Variants in PLCG2 observed in about 807,000 individuals in gnomAD.
PLCG2 encodes phospholipase C gamma 2.
Under a neutral mutation model 175.6 loss-of-function variants are expected in PLCG2, and 69 were observed. The observed-to-expected ratio is 0.39, with a 90% CI of 0.32 to 0.48. PLCG2 has a LOEUF of 0.48. Ranked by LOEUF, PLCG2 falls within the 20% of genes least tolerant of loss-of-function variation. PLCG2 has a pLI of 0.91. For missense variants in PLCG2, 1,798 were observed against 1,650.9 expected (o/e 1.09, Z -1.54); for synonymous variants, 827 against 624.0 (o/e 1.33, Z -4.85).
chr16:81,902,046 C>G (rs1290492106), intron 14 of PLCG2, among the ~76,000 whole-genome samples: 1 of 152,206 alleles, frequency 6.6e-6, no homozygotes, highest in Non-Finnish European at 1.5e-5. Context: ...AGTTCCAGCT[C>G]AGAGCACGGG....
chr16:81,837,585 C>T (rs980611475), intron 2 of PLCG2, among the ~76,000 whole-genome samples: 1 of 152,168 alleles, frequency 6.6e-6, no homozygotes, highest in Non-Finnish European at 1.5e-5. Context: ...ACAGGCAGTG[C>T]CTAGGGAGCC....
At position 81,929,841 on chromosome 16, in the gene PLCG2, G is replaced by C. The variant is rs75401901; in HGVS notation, c.2581+1217G>C. ...CACATGTGCTGAGGTCCTTTGGGCA[G>C]GGGGGTGCAGGATCCCTGCATCCAC... On this transcript the variant is annotated intron_variant, in intron 24 of 32. Coordinates refer to ENST00000564138, the MANE Select transcript of PLCG2 (RefSeq NM_002661.5). Among the ~76,000 whole-genome samples, 712 of 152,356 alleles carry C rather than the reference G, an allele frequency of 4.7e-3. 8 individuals carry two copies. Among genetic ancestry groups the C allele is most frequent in the African/African-American group, 0.016 (677 of 41,584 alleles).
chr16:81,815,578 CCTGGCCCT>C (rs1567478551), intron 2 of PLCG2, among the ~76,000 whole-genome samples: 2 of 152,190 alleles, frequency 1.3e-5, no homozygotes, highest in African/African-American at 4.8e-5. Flanking sequence ...CTGAAGTTCT[CCTGGCCCT>C]TTCAGAGGCC....
chr16:81,849,390 C>T (rs8050292), intron 2 of PLCG2, among the ~76,000 whole-genome samples: 1 of 151,890 alleles, frequency 6.6e-6, no homozygotes, highest in African/African-American at 2.4e-5. Flanking sequence ...ACAATGTTAC[C>T]TTGTCTAAAA....
chr16:81,956,585 A>C (rs1035093785), intron 31 of PLCG2, 110 bp from the exon 32 acceptor site: 79 of 912,276 alleles, frequency 8.7e-5, no homozygotes, highest in Non-Finnish European at 1.2e-4. Flanking sequence ...TCCAAGTTGC[A>C]AAACTTCTGC....
chr16:81,827,818 C>T (rs1378548760), intron 2 of PLCG2, among the ~76,000 whole-genome samples: 2 of 151,904 alleles, frequency 1.3e-5, no homozygotes, highest in East Asian at 1.9e-4. Flanking sequence ...CCGCCAGGCA[C>T]GGTGGTTCAT....
At chr16:81,896,365 AACACACACACACACACACACACACACAC>A (rs57375866) in intron 13 of PLCG2, among the ~76,000 whole-genome samples, 244 of 121,178 alleles carry the variant, frequency 2.0e-3, no homozygotes, top group Middle Eastern at 7.9e-3. Context: ...TCTCTACCAA[AACACACACACACACACACACACACACAC>A]ACACACACAC....
At chr16:81,863,601 G>GTA (rs1907087707) in intron 5 of PLCG2, among the ~76,000 whole-genome samples, 3 of 152,164 alleles carry the variant, frequency 2.0e-5, no homozygotes, top group African/African-American at 7.2e-5. Flanking sequence ...GGATTGCTGT[G>GTA]TATATATCCA....
intron 15 of PLCG2, among the ~76,000 whole-genome samples, chr16:81,905,833 GT>G (rs542162565): frequency 4.1e-4 from 63 of 152,070 alleles, no homozygotes; most frequent in African/African-American, 1.5e-3. Context: ...CTAATTTTTT[GT>G]ATTTTTGCAG....
intron 2 of PLCG2, among the ~76,000 whole-genome samples, chr16:81,850,427 A>G (rs1906347588): frequency 6.6e-6 from 1 of 152,210 alleles, no homozygotes; most frequent in Non-Finnish European, 1.5e-5. Flanking sequence ...GTGAAGATAA[A>G]GAGAAGAGAT....
At chr16:81,813,102 G>A (rs1176911460) in intron 2 of PLCG2, among the ~76,000 whole-genome samples, 4 of 152,196 alleles carry the variant, frequency 2.6e-5, no homozygotes, top group African/African-American at 9.7e-5. Context: ...TTGAAGTCAG[G>A]TAGCATGATG....
intron 2 of PLCG2, among the ~76,000 whole-genome samples, chr16:81,764,887 C>T (rs528061821): frequency 2.0e-5 from 3 of 151,930 alleles, no homozygotes; most frequent in Admixed American, 6.6e-5. Flanking sequence ...CTCAGGAGTT[C>T]GAGACCAGCC....
chr16:81,816,651 A>ATTTTTT (rs71146047), intron 2 of PLCG2, among the ~76,000 whole-genome samples: 7 of 108,856 alleles, frequency 6.4e-5, no homozygotes, highest in African/African-American at 2.3e-4. Flanking sequence ...GCTAATTTTA[A>ATTTTTT]TTTTTTTTTT....
At chr16:81,938,276 T>G (rs1910799247) in intron 28 of PLCG2, among the ~76,000 whole-genome samples, 1 of 152,206 alleles carries the variant, frequency 6.6e-6, no homozygotes, top group Non-Finnish European at 1.5e-5. Flanking sequence ...ATTCCAGGGC[T>G]TTTTAAAATT....
chr16:81,869,388 G>A (rs1567507847), intron 6 of PLCG2, 90 bp downstream of exon 6: 3 of 862,478 alleles, frequency 3.5e-6, no homozygotes, highest in African/African-American at 3.3e-5. Flanking sequence ...GAGTTCCGTG[G>A]AATAGTGCAC....
Position 81,893,789 on chromosome 16 carries a change from T to C in PLCG2, c.1067T>C (p.Ile356Thr). The C allele has an allele frequency of 6.2e-7, 1 of 1,606,612 alleles. No individual in the cohort carries two copies. Among genetic ancestry groups the C allele is most frequent in the East Asian group, 2.2e-5 (1 of 44,840 alleles). The part of the protein sequence containing the change: ...IRCLRMGCRC[I>T]ELDCWDGPDG... ...TGCCTGCGCATGGGCTGTCGCTGCA[T>C]TGAACGTGAGTAGCTCCTTCTTGGT... Residue 356 changes from isoleucine to threonine, a missense_variant, in exon 12 of 33, where the codon ATT (isoleucine) becomes ACT (threonine). Transcript: ENST00000564138.
At chr16:81,759,402 A>T (rs1567695276) in intron 2 of PLCG2, among the ~76,000 whole-genome samples, 1 of 152,150 alleles carries the variant, frequency 6.6e-6, no homozygotes, top group Non-Finnish European at 1.5e-5. Context: ...TTCCCTTTTA[A>T]ATATATTTAC....
At chr16:81,788,084 A>G (rs1383653279) in intron 2 of PLCG2, among the ~76,000 whole-genome samples, 1 of 152,154 alleles carries the variant, frequency 6.6e-6, no homozygotes, top group East Asian at 1.9e-4. Flanking sequence ...GTATATACCT[A>G]GGAGTGGAAT....
At chr16:81,828,312 C>A (rs570878892) in intron 2 of PLCG2, among the ~76,000 whole-genome samples, 56 of 123,408 alleles carry the variant, frequency 4.5e-4, no homozygotes, top group African/African-American at 1.7e-3. Flanking sequence ...GTGGTGTGAT[C>A]TCGGCTCACT....
Sources: gnomAD v4.1 joint callset for allele counts (sites outside exome capture counted in the v4.1 genomes callset) on GRCh38, gnomAD v4.1.1 for gene constraint, MANE v1.5 for transcripts, NCBI Gene and HGNC (gene_info 2026-07-23, HGNC 2026-07-21) for gene names.